The following LRRC53 variants were observed in gnomAD, a reference collection of about 807,000 sequenced individuals.
The protein encoded by LRRC53 is leucine-rich repeat-containing protein 53.
A neutral mutation model predicts 13.6 loss-of-function variants in LRRC53; 25 were observed. That is an observed-to-expected ratio of 1.83 (90% CI 1.34 to 2.56). The LOEUF (loss-of-function observed/expected upper bound fraction) is 2.56. LRRC53 is among the 30% of genes most tolerant of loss of function. LRRC53 has a pLI of 0.00. For missense variants in LRRC53, 527 were observed against 275.8 expected, an observed-to-expected ratio of 1.91 and a Z score of -6.45; for synonymous variants, 204 against 109.8, an observed-to-expected ratio of 1.86 and a Z score of -5.37.
chr1:74,485,758 C>T (rs1233984830), intron 1 of LRRC53, among the ~76,000 whole-genome samples: 6 of 152,146 alleles, frequency 3.9e-5, no homozygotes, highest in Non-Finnish European at 7.3e-5. Flanking sequence ...AGCAAATAGC[C>T]ATGTTGTGAA....
chr1:74,476,070 T>G lies in LRRC53; in HGVS notation c.905-260A>C, dbSNP rs547130501. Among the ~76,000 whole-genome samples the G allele has an allele frequency of 4.6e-5, 7 of 152,300 alleles. No individual in the cohort carries two copies. In the South Asian group the frequency reaches 1.4e-3, roughly 32 times the overall value. On this transcript the variant is annotated intron_variant, in intron 3 of 4. Transcript: ENST00000294635. ...GAATCTCTTTGGTAGAAAAAAAGGC[T>G]GTTTCATGAACTGAAACTCATTTAA...
Position 74,471,896 on chromosome 1 carries a change from A to T in LRRC53, c.1726T>A (p.Tyr576Asn). 2.0e-6 allele frequency: 1 copy of T among 503,702 alleles called. No individual in the cohort carries two copies. The highest frequency in any genetic ancestry group is 3.8e-5 in the Admixed American group (1 of 26,640). The allele number at this position is 503,702 out of a possible 1,614,324, so 31.2% of individuals were successfully genotyped here. ...FQPNNSLICKYVPCEQFEDYM... is the reference protein window; with the variant it reads ...FQPNNSLICKNVPCEQFEDYM... The stretch of plus-strand genomic sequence containing the variant: ...TCTTCAAATTGCTCACAGGGCACAT[A>T]TTTACAGATAAGAGAATTGTTTGGC... The change falls in exon 5 of 5, where the codon TAT (tyrosine) becomes AAT (asparagine). Residue 576 changes from tyrosine (Y) to asparagine (N), a missense_variant. Transcript: ENST00000294635.
chr1:74,519,485 T>G, the LRRC53 span, among the ~76,000 whole-genome samples: 1 of 125,364 alleles, frequency 8.0e-6, no homozygotes, highest in South Asian at 2.5e-4. Flanking sequence ...TTGAACTAGT[T>G]TACAGTCCCA....
chr1:74,477,309 G>A (rs1668252274), intron 3 of LRRC53, among the ~76,000 whole-genome samples: 1 of 151,722 alleles, frequency 6.6e-6, no homozygotes, highest in Non-Finnish European at 1.5e-5. Context: ...TCACAAATGA[G>A]GATAACTAAT....
chr1:74,477,671 C>T (rs1432054292), intron 3 of LRRC53, among the ~76,000 whole-genome samples: 1 of 152,146 alleles, frequency 6.6e-6, no homozygotes, highest in Non-Finnish European at 1.5e-5. Flanking sequence ...CCACTCACTC[C>T]CCTGCTCTTG....
chr1:74,533,195 C>G, the LRRC53 span, among the ~76,000 whole-genome samples: 2 of 152,096 alleles, frequency 1.3e-5, no homozygotes, highest in Admixed American at 6.6e-5. Flanking sequence ...CCAGAATCTA[C>G]AATGAACTCA....
intron 1 of LRRC53, among the ~76,000 whole-genome samples, chr1:74,491,797 T>C (rs982867046): frequency 6.6e-6 from 1 of 152,224 alleles, no homozygotes; most frequent in Non-Finnish European, 1.5e-5. Context: ...CTTTTGATCA[T>C]TGAATAATAA....
intron 1 of LRRC53, among the ~76,000 whole-genome samples, chr1:74,492,945 C>A (rs1669152981): frequency 6.6e-6 from 1 of 152,156 alleles, no homozygotes; most frequent in Non-Finnish European, 1.5e-5. Context: ...AGAAATCCAC[C>A]TTTTTTTCTC....
Position 74,470,632 on chromosome 1 carries a change from T to A in LRRC53, c.2990A>T (p.Lys997Ile), listed in dbSNP as rs1301793475. ...ATCATAAGTTTCTGTTTTTGAAAGT[T>A]TTTTTTCTACATCATTTTCTTCCTT... ...MDKEENDVEK[K>I]LSKTETYDSS... The change falls in exon 5 of 5, where the codon AAA becomes ATA. Residue 997 changes from lysine (K) to isoleucine (I), a missense_variant. By Grantham distance (102) the Lys-to-Ile change is moderately radical. Coordinates refer to ENST00000294635, the MANE Select transcript of LRRC53 (RefSeq NM_001382280.1). 1 of 400,580 alleles carries A rather than the reference T, an allele frequency of 2.5e-6. No individual in the cohort carries two copies. The highest frequency in any genetic ancestry group is 2.1e-5 in the African/African-American group (1 of 48,694). 24.8% of individuals were successfully genotyped at this position (400,580 alleles called of 1,614,324 possible).
rs202017687 is a variant in LRRC53 at position 74,492,169 on chromosome 1, C to T, written c.-26-8794G>A. ...TTCTTCTTCTGATTGCCTGGTGAACCGGGGAGGACCTGGCCGGAGTCATGT... is the reference window on the plus strand; with the variant it reads ...TTCTTCTTCTGATTGCCTGGTGAACTGGGGAGGACCTGGCCGGAGTCATGT... On this transcript the variant is annotated intron_variant, in intron 1 of 4. Transcript: ENST00000294635. 67 of 1,612,802 alleles carry T rather than the reference C, an allele frequency of 4.2e-5. No individual in the cohort carries two copies. Among genetic ancestry groups the T allele is most frequent in the Middle Eastern group, 1.6e-4 (1 of 6,062 alleles).
chr1:74,499,389 C>T (rs1428024826), intron 1 of LRRC53, among the ~76,000 whole-genome samples: 3 of 152,212 alleles, frequency 2.0e-5, no homozygotes, highest in East Asian at 3.9e-4. Context: ...ATTCAGCTTC[C>T]TAAAGTGCTG....
chr1:74,518,379 A>T, the LRRC53 span, among the ~76,000 whole-genome samples: 1 of 152,074 alleles, frequency 6.6e-6, no homozygotes, highest in African/African-American at 2.4e-5. Context: ...TATTTATGAG[A>T]TTTCCACAGC....
intron 1 of LRRC53, among the ~76,000 whole-genome samples, chr1:74,502,112 G>A (rs969849576): frequency 1.1e-4 from 17 of 152,174 alleles, no homozygotes; most frequent in Admixed American, 3.9e-4. Flanking sequence ...CATGCTATAG[G>A]TCAACAAGAG....
upstream of LRRC53, among the ~76,000 whole-genome samples, chr1:74,514,642 G>T (rs1390804916): frequency 1.3e-5 from 2 of 152,096 alleles, no homozygotes; most frequent in South Asian, 2.1e-4. Context: ...AGATAGTAAG[G>T]GGGGAAGCTG....
chr1:74,479,776 A>G (rs1668386985), intron 3 of LRRC53, among the ~76,000 whole-genome samples: 1 of 152,252 alleles, frequency 6.6e-6, no homozygotes, highest in Non-Finnish European at 1.5e-5. Context: ...TCTATCTCCT[A>G]GTGTCATAAC....
chr1:74,508,466 C>A (rs1670019040), intron 1 of LRRC53, among the ~76,000 whole-genome samples: 1 of 152,116 alleles, frequency 6.6e-6, no homozygotes, highest in South Asian at 2.1e-4. Flanking sequence ...GTGGCAAATG[C>A]CTGATGTAGG....
intron 1 of LRRC53, among the ~76,000 whole-genome samples, chr1:74,508,287 A>T (rs994369000): frequency 2.0e-5 from 3 of 152,242 alleles, no homozygotes; most frequent in African/African-American, 7.2e-5. Flanking sequence ...TAAAAATAGT[A>T]ATAATAATAG....
At chr1:74,514,289 G>A (rs779877377), upstream of LRRC53, among the ~76,000 whole-genome samples, 3 of 152,128 alleles carry the variant, frequency 2.0e-5, no homozygotes, top group Non-Finnish European at 4.4e-5. Context: ...ACAATTCTAT[G>A]TATTTGTCAG....
At chr1:74,486,471 A>G (rs925920039) in intron 1 of LRRC53, among the ~76,000 whole-genome samples, 1 of 149,930 alleles carries the variant, frequency 6.7e-6, no homozygotes. Context: ...GTAGTCAAAC[A>G]TCATCACTTT....
Sources: gnomAD v4.1 joint callset for allele counts (sites outside exome capture counted in the v4.1 genomes callset) on GRCh38, gnomAD v4.1.1 for gene constraint, MANE v1.5 for transcripts, NCBI Gene and HGNC (gene_info 2026-07-23, HGNC 2026-07-21) for gene names.